Variants in ZNF655 observed in about 807,000 individuals in gnomAD.
ZNF655 encodes zinc finger protein 655.
In ZNF655, 3 loss-of-function variants were observed where a neutral mutation model predicts 6.6. The ratio of observed to expected loss-of-function variants is 0.46; its 90% CI spans 0.21 to 1.18. ZNF655 has a LOEUF of 1.18. ZNF655 is among the 50% of genes most tolerant of loss of function. ZNF655 has a pLI of 0.24. For missense variants in ZNF655, 526 were observed against 572.3 expected (o/e 0.92, Z 0.83); for synonymous variants, 178 against 195.0 (o/e 0.91, Z 0.73).
intron 1 of ZNF655, among the ~76,000 whole-genome samples, chr7:99,559,627 T>C (rs1159061281): frequency 6.6e-6 from 1 of 151,840 alleles, no homozygotes; most frequent in Admixed American, 6.6e-5. Context: ...AAATTTTAAA[T>C]ATTTTGTTTT....
chr7:99,560,846 G>C (rs1280126909), intron 2 of ZNF655, 151 bp downstream of exon 2: 2 of 906,686 alleles, frequency 2.2e-6, no homozygotes, highest in African/African-American at 3.3e-5. Context: ...ATGTGACTCA[G>C]TTCAGTCCTA....
At chr7:99,563,696 CT>C (rs111763239) in intron 2 of ZNF655, among the ~76,000 whole-genome samples, 47 of 145,790 alleles carry the variant, frequency 3.2e-4, no homozygotes, top group Admixed American at 4.8e-4. Flanking sequence ...ATTTTCTTTT[CT>C]TTTTTTTTTT....
At chr7:99,564,643 CATACAT>C (rs1255655946) in intron 2 of ZNF655, 70 of 984,038 alleles carry the variant, frequency 7.1e-5, no homozygotes, top group Non-Finnish European at 7.8e-5. Flanking sequence ...TGTAAAGTGA[CATACAT>C]ATAATTGTAA....
At chr7:99,561,412 T>A (rs144393092) in intron 2 of ZNF655, among the ~76,000 whole-genome samples, 2 of 152,242 alleles carry the variant, frequency 1.3e-5, no homozygotes, top group East Asian at 3.9e-4. Context: ...TGGAAAAGAT[T>A]TCGAGGAAAC....
chr7:99,562,754 A>G (rs1411471562), intron 2 of ZNF655, among the ~76,000 whole-genome samples: 1 of 152,018 alleles, frequency 6.6e-6, no homozygotes, highest in African/African-American at 2.4e-5. Flanking sequence ...CCTTTTAGCA[A>G]AGGGAAACTT....
intron 2 of ZNF655, chr7:99,563,890 G>A (rs761770200): frequency 8.1e-6 from 13 of 1,612,090 alleles, no homozygotes; most frequent in Middle Eastern, 1.7e-4. Flanking sequence ...CCCACCACCC[G>A]GATTCATAGT....
At position 99,572,910 on chromosome 7, in the gene ZNF655, T is replaced by C. The variant is rs7783862; in HGVS notation, c.802T>C (p.Tyr268His). Residue 268 changes from tyrosine (Y) to histidine (H), a missense_variant, in exon 3 of 3, where the codon TAC becomes CAC. By Grantham distance (83) the Tyr-to-His change is moderately conservative. Coordinates refer to ENST00000252713, the MANE Select transcript of ZNF655 (RefSeq NM_138494.3). ...HKRIHTREKP[Y>H]KCEASDKSCE... ...AAGAATACACACTAGAGAAAAACCT[T>C]ACAAATGTGAAGCATCTGATAAATC... The C allele has an allele frequency of 8.0e-3, 12,903 of 1,614,122 alleles. 78 individuals carry two copies. The highest frequency in any genetic ancestry group is 0.013 in the South Asian group (1,179 of 91,074).
Position 99,572,740 on chromosome 7 carries a change from C to G in ZNF655, c.632C>G (p.Ser211Cys), listed in dbSNP as rs773470301. The G allele has an allele frequency of 6.2e-7, 1 of 1,613,094 alleles. No homozygotes were observed. The highest frequency in any genetic ancestry group is 8.5e-7 in the Non-Finnish European group (1 of 1,179,900). The change falls in exon 3 of 3, where the codon TCC becomes TGC. Residue 211 changes from serine (S) to cysteine (C), a missense_variant. Physicochemically the swap from Ser to Cys is moderately radical, Grantham distance 112. Transcript: ENST00000252713. Reference protein sequence around the residue: ...KWESIPNTEKSYKCDVCGKIF... With the variant: ...KWESIPNTEKCYKCDVCGKIF... Reference sequence around the variant, plus strand: ...GAGAGCATCCCTAACACTGAGAAATCCTATAAATGTGATGTATGTGGGAAA... The same window carrying G: ...GAGAGCATCCCTAACACTGAGAAATGCTATAAATGTGATGTATGTGGGAAA...
chr7:99,563,799 G>A (rs1026344070), intron 2 of ZNF655: 1 of 1,562,140 alleles, frequency 6.4e-7, no homozygotes, highest in Non-Finnish European at 8.6e-7. Context: ...TTTGTGGGGA[G>A]GCAGGCTGCC....
chr7:99,573,844 C>T lies in ZNF655; in HGVS notation c.*260C>T. On this transcript the variant is annotated 3_prime_UTR_variant, in exon 3 of 3. Coordinates refer to ENST00000252713, the MANE Select transcript of ZNF655 (RefSeq NM_138494.3). ...AATCTTACAAATGTATTGAATGTGG[C>T]AAATTTTTCATGCTATTAGTATTTT... is the stretch of plus-strand genomic sequence containing the variant. The T allele has an allele frequency of 2.4e-6, 1 of 420,000 alleles. No homozygotes were observed. Among genetic ancestry groups the T allele is most frequent in the Non-Finnish European group, 4.2e-6 (1 of 238,116 alleles). The allele number at this position is 420,000 out of a possible 1,614,324, so 26.0% of individuals were successfully genotyped here.
chr7:99,567,397 G>A (rs918198083), intron 2 of ZNF655, among the ~76,000 whole-genome samples: 2 of 151,810 alleles, frequency 1.3e-5, no homozygotes, highest in African/African-American at 4.8e-5. Flanking sequence ...GCCGGGCATG[G>A]TGGCGCATGC....
Position 99,572,719 on chromosome 7 carries a change from G to T in ZNF655, c.611G>T (p.Ser204Ile). 1 of 1,613,204 alleles carries T rather than the reference G, an allele frequency of 6.2e-7. No individual in the cohort carries two copies. The highest frequency in any genetic ancestry group is 8.5e-7 in the Non-Finnish European group (1 of 1,179,932). ...MDLSHLNKWE[S>I]IPNTEKSYKC... ...CTCTCCCACCTTAATAAATGGGAGA[G>T]CATCCCTAACACTGAGAAATCCTAT... The change falls in exon 3 of 3, where the codon AGC becomes ATC. Residue 204 changes from serine (S) to isoleucine (I), a missense_variant. Ser to Ile is a moderately radical substitution (Grantham distance 142, BLOSUM62 -2). Coordinates refer to ENST00000252713, the MANE Select transcript of ZNF655 (RefSeq NM_138494.3).
At position 99,573,327 on chromosome 7, in the gene ZNF655, G is replaced by A. The variant is rs1804222153; in HGVS notation, c.1219G>A (p.Ala407Thr). Residue 407 changes from alanine to threonine, a missense_variant, in exon 3 of 3, where the codon GCA (alanine) becomes ACA (threonine). Physicochemically the swap from Ala to Thr is moderately conservative, Grantham distance 58. Transcript: ENST00000252713. The stretch of plus-strand genomic sequence containing the variant: ...TCAAAGAATTCACACAGGAGAGAAA[G>A]CACATGAATGTAATGAATGTGGAAA... Reference protein sequence around the residue: ...QHQRIHTGEKAHECNECGKAF... With the variant: ...QHQRIHTGEKTHECNECGKAF... The A allele has an allele frequency of 1.2e-6, 2 of 1,614,140 alleles. No homozygotes were observed. Among genetic ancestry groups the A allele is most frequent in the Middle Eastern group, 3.3e-4 (2 of 6,062 alleles).
At chr7:99,562,462 T>TTA in intron 2 of ZNF655, 1 of 1,613,976 alleles carries the variant, frequency 6.2e-7, no homozygotes, top group Non-Finnish European at 8.5e-7. Context: ...AGAGAAGTGA[T>TTA]GTTAGAGAAT....
intron 2 of ZNF655, chr7:99,561,894 C>G (rs1248788310): frequency 6.4e-7 from 1 of 1,556,028 alleles, no homozygotes; most frequent in Non-Finnish European, 8.7e-7. Context: ...TCAGCTCCAC[C>G]TGTTCCTCAG....
At chr7:99,564,868 C>T (rs373174339) in intron 2 of ZNF655, among the ~76,000 whole-genome samples, 7 of 152,302 alleles carry the variant, frequency 4.6e-5, no homozygotes, top group East Asian at 1.9e-4. Flanking sequence ...ACAAGAGACA[C>T]GCACAGTGCA....
At chr7:99,560,417 C>T (rs1803034094) in intron 1 of ZNF655, 116 bp from the exon 2 acceptor site, 6 of 1,068,526 alleles carry the variant, frequency 5.6e-6, no homozygotes, top group Non-Finnish European at 7.7e-6. Context: ...TAATCATTAT[C>T]AACTAATTTT....
chr7:99,571,549 C>T (rs1307073700), intron 2 of ZNF655: 2 of 992,014 alleles, frequency 2.0e-6, no homozygotes, highest in Non-Finnish European at 2.8e-6. Flanking sequence ...TCTTTGCCCT[C>T]TTCACTCTCC....
At chr7:99,564,962 T>C (rs1314228523) in intron 2 of ZNF655, among the ~76,000 whole-genome samples, 2 of 152,188 alleles carry the variant, frequency 1.3e-5, no homozygotes, top group Admixed American at 1.3e-4. Flanking sequence ...TGGGAAATCA[T>C]TTTCATATTT....
Sources: allele counts gnomAD v4.1 joint callset (sites outside exome capture counted in the v4.1 genomes callset), GRCh38; gene constraint gnomAD v4.1.1; transcripts MANE v1.5; gene names NCBI Gene and HGNC (gene_info 2026-07-23, HGNC 2026-07-21).